PAN3: variants seen among roughly 807,000 people sequenced by gnomAD.
PAN3 encodes PAN2-PAN3 deadenylation complex subunit PAN3.
PAN3 carries 19 observed loss-of-function variants against 96.2 expected under a neutral mutation model. The ratio of observed to expected loss-of-function variants is 0.20; its 90% CI spans 0.14 to 0.29. The LOEUF (loss-of-function observed/expected upper bound fraction) is 0.29. PAN3 is among the 10% of genes least tolerant of loss of function. The pLI is 1.00. For synonymous variants in PAN3, 433 were observed against 406.6 expected, an observed-to-expected ratio of 1.06 and a Z score of -0.78; for missense variants, 882 against 1,108.1, an observed-to-expected ratio of 0.80 and a Z score of 2.90.
At chr13:28,144,982 C>T (rs1159176589) in intron 1 of PAN3, among the ~76,000 whole-genome samples, 3 of 151,256 alleles carry the variant, frequency 2.0e-5, no homozygotes, top group East Asian at 3.9e-4. Flanking sequence ...CCTCCGAAAG[C>T]GCTGGGACTA....
rs1387794952 is a variant in PAN3, at chr13:28,293,537, G to C, written c.*1015G>C. 3 of 152,258 alleles carry C rather than the reference G, an allele frequency of 2.0e-5. No individual in the cohort carries two copies. The highest frequency in any genetic ancestry group is 1.9e-4 in the East Asian group (1 of 5,156). The allele number at this position is 152,258 out of a possible 1,614,324, so 9.4% of individuals were successfully genotyped here. A position where few individuals can be genotyped will look rare whatever the true frequency, so the allele number is the denominator to read the frequency against. ...ATGAACTAAACTCAGCAGTGGTCTG[G>C]TATCAAGAGCTTTCTGATGTTTTAC... On this transcript the variant is annotated 3_prime_UTR_variant, in exon 19 of 19. Coordinates refer to ENST00000380958, the MANE Select transcript of PAN3 (RefSeq NM_175854.8).
intron 5 of PAN3, among the ~76,000 whole-genome samples, chr13:28,214,172 T>C (rs1880442251): frequency 6.6e-6 from 1 of 152,212 alleles, no homozygotes; most frequent in South Asian, 2.1e-4. Context: ...ACGTATTATA[T>C]GCCCAAATCA....
At chr13:28,266,587 C>G (rs1886199456) in intron 9 of PAN3, 128 bp from the exon 10 acceptor site, 3 of 642,738 alleles carry the variant, frequency 4.7e-6, no homozygotes, top group Non-Finnish European at 7.3e-6. Context: ...AATGTTTACA[C>G]TATTCTAAAA....
chr13:28,212,709 T>C (rs74041595), intron 5 of PAN3, among the ~76,000 whole-genome samples: 143 of 152,302 alleles, frequency 9.4e-4, no homozygotes, highest in African/African-American at 3.3e-3. Flanking sequence ...ATGAATAATA[T>C]GTTTGATGGG....
intron 6 of PAN3, among the ~76,000 whole-genome samples, chr13:28,222,198 T>G (rs1444559077): frequency 6.6e-6 from 1 of 152,212 alleles, no homozygotes; most frequent in Non-Finnish European, 1.5e-5. Flanking sequence ...ACATTCAGTT[T>G]AAGAAAATCC....
intron 5 of PAN3, among the ~76,000 whole-genome samples, chr13:28,202,658 TACACACACAC>T (rs140754799): frequency 6.7e-6 from 1 of 150,000 alleles, no homozygotes; most frequent in Non-Finnish European, 1.5e-5. Flanking sequence ...TATATATGTA[TACACACACAC>T]ACACACACAC....
At chr13:28,263,044 T>C (rs182633668) in intron 9 of PAN3, among the ~76,000 whole-genome samples, 5 of 152,330 alleles carry the variant, frequency 3.3e-5, no homozygotes, top group African/African-American at 1.2e-4. Flanking sequence ...TCCAGTCAAA[T>C]CTTTTCATGG....
At chr13:28,191,338 A>G (rs916873434) in intron 4 of PAN3, among the ~76,000 whole-genome samples, 2 of 152,140 alleles carry the variant, frequency 1.3e-5, no homozygotes, top group East Asian at 1.9e-4. Context: ...TATTTCTGTT[A>G]TTATTGCCTC....
At chr13:28,274,877 A>T (rs1207191974) in intron 14 of PAN3, among the ~76,000 whole-genome samples, 1 of 152,240 alleles carries the variant, frequency 6.6e-6, no homozygotes. Flanking sequence ...AAGAGGATAC[A>T]TGAGGAGTGC....
chr13:28,291,418 T>C (rs976733976), intron 18 of PAN3, among the ~76,000 whole-genome samples: 1 of 152,226 alleles, frequency 6.6e-6, no homozygotes, highest in Admixed American at 6.5e-5. Context: ...TACTAGCATT[T>C]ACACAAGCAG....
chr13:28,151,848 T>TA (rs1203060892), intron 1 of PAN3, among the ~76,000 whole-genome samples: 2 of 152,122 alleles, frequency 1.3e-5, no homozygotes, highest in African/African-American at 4.8e-5. Context: ...CTTTGAGAGA[T>TA]ATATTAGCCA....
chr13:28,173,750 G>A (rs1874598845), intron 1 of PAN3, among the ~76,000 whole-genome samples: 1 of 152,162 alleles, frequency 6.6e-6, no homozygotes, highest in Non-Finnish European at 1.5e-5. Context: ...CAGTCCTTCA[G>A]TATCATCCTA....
chr13:28,290,306 G>T (rs568658224), intron 18 of PAN3, among the ~76,000 whole-genome samples: 4 of 151,938 alleles, frequency 2.6e-5, no homozygotes, highest in Non-Finnish European at 5.9e-5. Flanking sequence ...AAAATGTTAC[G>T]GTTTGTTTTT....
intron 1 of PAN3, among the ~76,000 whole-genome samples, chr13:28,169,911 G>C (rs2138075950): frequency 6.6e-6 from 1 of 152,128 alleles, no homozygotes; most frequent in South Asian, 2.1e-4. Flanking sequence ...GCTGGGCGTG[G>C]TGACGGGCAG....
intron 2 of PAN3, among the ~76,000 whole-genome samples, chr13:28,175,743 C>G (rs1874884274): frequency 6.6e-6 from 1 of 151,976 alleles, no homozygotes; most frequent in South Asian, 2.1e-4. Flanking sequence ...ATAGTTATAC[C>G]TTATTTTAAC....
At chr13:28,139,514 T>TTGTTTGTGTGTG (rs375082738) in intron 1 of PAN3, among the ~76,000 whole-genome samples, 1 of 93,100 alleles carries the variant, frequency 1.1e-5, no homozygotes, top group East Asian at 3.3e-4. Flanking sequence ...AGGGGTGTGT[T>TTGTTTGTGTGTG]TGTGTGTGTG....
chr13:28,264,145 A>G (rs1218301021), intron 9 of PAN3, among the ~76,000 whole-genome samples: 1 of 152,148 alleles, frequency 6.6e-6, no homozygotes, highest in Non-Finnish European at 1.5e-5. Context: ...AAACTGATCT[A>G]TAGATTCAGT....
chr13:28,180,456 C>T (rs557160367), intron 4 of PAN3, among the ~76,000 whole-genome samples: 43 of 152,176 alleles, frequency 2.8e-4, no homozygotes, highest in African/African-American at 1.0e-3. Flanking sequence ...AATCTCTTTA[C>T]ATTAGAAATA....
intron 14 of PAN3, among the ~76,000 whole-genome samples, chr13:28,275,064 TG>T (rs1027031508): frequency 6.6e-6 from 1 of 151,816 alleles, no homozygotes; most frequent in Non-Finnish European, 1.5e-5. Context: ...ATTCAACAAA[TG>T]GGGGGAAACC....
Sources: allele counts gnomAD v4.1 joint callset (sites outside exome capture counted in the v4.1 genomes callset), GRCh38; gene constraint gnomAD v4.1.1; transcripts MANE v1.5; gene names NCBI Gene and HGNC (gene_info 2026-07-23, HGNC 2026-07-21).